DRC11: variants seen among roughly 807,000 people sequenced by gnomAD.
DRC11 encodes IQ and AAA domain-containing protein 1.
chr2:236,340,788 G>C, the DRC11 span, among the ~76,000 whole-genome samples: 1 of 152,220 alleles, frequency 6.6e-6, no homozygotes, highest in South Asian at 2.1e-4. Flanking sequence ...CATTTGAAAT[G>C]AATCAGCCTA....
chr2:236,332,713 A>C, the DRC11 span: 1 of 152,224 alleles, frequency 6.6e-6, no homozygotes, highest in Admixed American at 6.5e-5. The surrounding 1 kb of genome is among the most constrained non-coding windows in gnomAD (Gnocchi z 5.1). Context: ...TAAAGGAATA[A>C]AATGGCCTAT....
the DRC11 span, among the ~76,000 whole-genome samples, chr2:236,404,070 T>C: frequency 6.6e-6 from 1 of 150,524 alleles, no homozygotes; most frequent in African/African-American, 2.5e-5. Context: ...AGGCTAGCCA[T>C]GACCCGAGTT....
At chr2:236,316,485 C>T in the DRC11 span, among the ~76,000 whole-genome samples, 2 of 152,124 alleles carry the variant, frequency 1.3e-5, no homozygotes, top group African/African-American at 4.8e-5. This position sits in a 1 kb window ranked among gnomAD's most constrained non-coding sequence, Gnocchi z 6.8. Flanking sequence ...ACCATTATGA[C>T]AGTGAGATGG....
At chr2:236,366,060 C>T in the DRC11 span, among the ~76,000 whole-genome samples, 1 of 152,174 alleles carries the variant, frequency 6.6e-6, no homozygotes, top group African/African-American at 2.4e-5. Flanking sequence ...CCACGTCCAC[C>T]TGGAGGGGTC....
chr2:236,495,982 A>G, the DRC11 span, among the ~76,000 whole-genome samples: 2 of 152,206 alleles, frequency 1.3e-5, no homozygotes, highest in Admixed American at 6.5e-5. This position sits in a 1 kb window ranked among gnomAD's most constrained non-coding sequence, Gnocchi z 5.6. Context: ...TAGCCGCCAC[A>G]TAGAGCCCCA....
chr2:236,482,699 CT>C, the DRC11 span, among the ~76,000 whole-genome samples: 3 of 151,966 alleles, frequency 2.0e-5, no homozygotes, highest in Non-Finnish European at 2.9e-5. This position sits in a 1 kb window ranked among gnomAD's most constrained non-coding sequence, Gnocchi z 4.5. Context: ...TTTGGCAGCA[CT>C]TTTTTTTCTT....
chr2:236,432,885 T>C, the DRC11 span, among the ~76,000 whole-genome samples: 1 of 152,168 alleles, frequency 6.6e-6, no homozygotes, highest in Admixed American at 6.6e-5. Flanking sequence ...TCTAGTCCTT[T>C]TGTGTTTTGT....
chr2:236,478,874 G>A, the DRC11 span, among the ~76,000 whole-genome samples: 5 of 151,024 alleles, frequency 3.3e-5, no homozygotes, highest in African/African-American at 4.9e-5. The surrounding 1 kb of genome is among the most constrained non-coding windows in gnomAD (Gnocchi z 5.9). Flanking sequence ...ACCCAGGCTG[G>A]AGTGCAGTGG....
the DRC11 span, among the ~76,000 whole-genome samples, chr2:236,356,419 C>T: frequency 0.072 from 9,139 of 126,110 alleles, no homozygotes; most frequent in Non-Finnish European, 0.1. Flanking sequence ...GGCCTTGCCC[C>T]TGTGTCTTGT....
At chr2:236,407,037 G>A in the DRC11 span, among the ~76,000 whole-genome samples, 5 of 152,128 alleles carry the variant, frequency 3.3e-5, no homozygotes, top group Middle Eastern at 3.2e-3. Flanking sequence ...GAGCCACCGC[G>A]CCCAGCCACA....
At chr2:236,497,144 A>C in the DRC11 span, 1 of 1,573,220 alleles carries the variant, frequency 6.4e-7, no homozygotes, top group Non-Finnish European at 8.6e-7. This position sits in a 1 kb window ranked among gnomAD's most constrained non-coding sequence, Gnocchi z 5.1. Flanking sequence ...AACTAATAAG[A>C]AAACAACAGA....
chr2:236,493,917 T>C, the DRC11 span: 4 of 1,554,736 alleles, frequency 2.6e-6, no homozygotes, highest in Non-Finnish European at 3.5e-6. Flanking sequence ...AAAAAGAGTA[T>C]TTCCGTCACA....
the DRC11 span, among the ~76,000 whole-genome samples, chr2:236,387,759 G>A: frequency 6.6e-6 from 1 of 151,828 alleles, no homozygotes; most frequent in Non-Finnish European, 1.5e-5. Flanking sequence ...TCCTAGTCTC[G>A]ATGGTCTTTA....
chr2:236,307,245 G>A, the DRC11 span, among the ~76,000 whole-genome samples: 1 of 152,162 alleles, frequency 6.6e-6, no homozygotes, highest in Admixed American at 6.5e-5. The surrounding 1 kb of genome is among the most constrained non-coding windows in gnomAD (Gnocchi z 7.0). Context: ...TTCAACATCC[G>A]GCATGAGAAG....
chr2:236,338,273 A>G, the DRC11 span: 1 of 1,614,046 alleles, frequency 6.2e-7, no homozygotes, highest in Non-Finnish European at 8.5e-7. Flanking sequence ...GAAAGATTGG[A>G]GTTCAGCATC....
At chr2:236,490,027 T>C in the DRC11 span, among the ~76,000 whole-genome samples, 4 of 152,176 alleles carry the variant, frequency 2.6e-5, no homozygotes, top group African/African-American at 7.2e-5. The surrounding 1 kb of genome is among the most constrained non-coding windows in gnomAD (Gnocchi z 5.5). Context: ...AGTAGGACAA[T>C]GTGAAGGTGC....
the DRC11 span, among the ~76,000 whole-genome samples, chr2:236,429,939 T>C: frequency 2.6e-5 from 4 of 152,200 alleles, no homozygotes; most frequent in African/African-American, 9.6e-5. The surrounding 1 kb of genome is among the most constrained non-coding windows in gnomAD (Gnocchi z 5.9). Context: ...GAATATGCTG[T>C]TGGGGTTCAT....
At chr2:236,485,114 G>C in the DRC11 span, among the ~76,000 whole-genome samples, 38 of 152,194 alleles carry the variant, frequency 2.5e-4, 1 homozygote, top group Admixed American at 2.2e-3. Context: ...TACTTCCCTA[G>C]ACAGTTTTCT....
At chr2:236,358,587 TATAATA>T in the DRC11 span, among the ~76,000 whole-genome samples, 2 of 145,482 alleles carry the variant, frequency 1.4e-5, no homozygotes, top group Non-Finnish European at 3.0e-5. Context: ...CTTGAGTCTG[TATAATA>T]GTAAACCAGG....
Sources: allele counts gnomAD v4.1 joint callset (sites outside exome capture counted in the v4.1 genomes callset), GRCh38; gene constraint gnomAD v4.1.1; non-coding constraint Gnocchi (gnomAD v3.1); transcripts MANE v1.5; gene names NCBI Gene and HGNC (gene_info 2026-07-23, HGNC 2026-07-21).